The following BABAM2 variants were observed in gnomAD, a reference collection of about 807,000 sequenced individuals.
BABAM2 encodes the protein BRISC and BRCA1-A complex member 2.
In BABAM2, 31 loss-of-function variants were observed where a neutral mutation model predicts 54.7. The observed-to-expected ratio is 0.57, with a 90% CI of 0.43 to 0.77. The LOEUF is 0.77. BABAM2 is among the 30% of genes least tolerant of loss of function. BABAM2 has a pLI of 0.00. For missense variants in BABAM2, 364 were observed against 455.8 expected, an observed-to-expected ratio of 0.80 and a Z score of 1.83; for synonymous variants, 167 against 162.9, an observed-to-expected ratio of 1.03 and a Z score of -0.19.
intron 5 of BABAM2, among the ~76,000 whole-genome samples, chr2:28,040,356 A>G (rs1220238368): frequency 2.6e-5 from 3 of 116,828 alleles, no homozygotes; most frequent in Non-Finnish European, 4.9e-5. Context: ...GCTGGAGTGC[A>G]GTGGCGGGAT....
intron 7 of BABAM2, among the ~76,000 whole-genome samples, chr2:28,171,564 C>G (rs1414777449): frequency 1.3e-5 from 2 of 152,130 alleles, no homozygotes; most frequent in Non-Finnish European, 2.9e-5. Flanking sequence ...GTAATAAAGG[C>G]ATTTTTTAAG....
intron 6 of BABAM2, among the ~76,000 whole-genome samples, chr2:28,115,850 C>G (rs540211793): frequency 3.1e-4 from 47 of 151,800 alleles, no homozygotes; most frequent in African/African-American, 1.1e-3. Context: ...CATGGTGGCT[C>G]ATGCCTGTAA....
intron 7 of BABAM2, among the ~76,000 whole-genome samples, chr2:28,216,464 G>A (rs1208079411): frequency 1.3e-5 from 2 of 152,214 alleles, no homozygotes; most frequent in Non-Finnish European, 2.9e-5. Flanking sequence ...TGTAATTGCA[G>A]TATTTAGTTC....
At chr2:28,016,378 A>G in intron 4 of BABAM2, 1 of 1,377,410 alleles carries the variant, frequency 7.3e-7, no homozygotes, top group Non-Finnish European at 1.0e-6. Context: ...GCCTTGATCG[A>G]TTCAGATAAT....
chr2:27,946,324 A>T (rs753154658), intron 3 of BABAM2, among the ~76,000 whole-genome samples: 4 of 152,162 alleles, frequency 2.6e-5, no homozygotes, highest in Non-Finnish European at 5.9e-5. Context: ...ATGTTGAACC[A>T]CTGTTGCATT....
chr2:28,298,720 A>G (rs1173420127), intron 11 of BABAM2, among the ~76,000 whole-genome samples: 1 of 152,246 alleles, frequency 6.6e-6, no homozygotes, highest in Admixed American at 6.5e-5. Flanking sequence ...CTAGAAAACA[A>G]AAAATATTTA....
chr2:28,333,032 G>A (rs749903389), intron 11 of BABAM2, among the ~76,000 whole-genome samples: 4 of 152,016 alleles, frequency 2.6e-5, no homozygotes, highest in East Asian at 3.9e-4. Flanking sequence ...TTCCCGCTTC[G>A]GCACACACGC....
At chr2:28,228,315 A>AAGGCAG (rs1289777176) in intron 7 of BABAM2, among the ~76,000 whole-genome samples, 1 of 152,236 alleles carries the variant, frequency 6.6e-6, no homozygotes, top group East Asian at 1.9e-4. Flanking sequence ...GTGTCCTGGA[A>AAGGCAG]AGGCAGAAGG....
intron 6 of BABAM2, among the ~76,000 whole-genome samples, chr2:28,076,484 A>G (rs1164458177): frequency 1.4e-5 from 2 of 138,996 alleles, no homozygotes; most frequent in Non-Finnish European, 3.0e-5. Flanking sequence ...TTATTTATTT[A>G]GTTAGTTAGT....
chr2:27,999,734 G>A (rs926726060), intron 4 of BABAM2, among the ~76,000 whole-genome samples: 1 of 152,174 alleles, frequency 6.6e-6, no homozygotes, highest in East Asian at 1.9e-4. Flanking sequence ...TTGCTGTTAA[G>A]CACGCTTCCT....
intron 3 of BABAM2, among the ~76,000 whole-genome samples, chr2:27,956,673 A>G (rs1353841572): frequency 6.6e-6 from 1 of 152,204 alleles, no homozygotes; most frequent in Non-Finnish European, 1.5e-5. Flanking sequence ...AAAGATTTGA[A>G]AAGCAGCAGC....
At chr2:27,937,886 A>G (rs1383738279) in intron 3 of BABAM2, among the ~76,000 whole-genome samples, 6 of 152,126 alleles carry the variant, frequency 3.9e-5, no homozygotes, top group East Asian at 1.9e-4. Flanking sequence ...ACTGAGACCA[A>G]TTGTGACGAG....
chr2:28,091,755 G>A (rs760393784), intron 6 of BABAM2, among the ~76,000 whole-genome samples: 5 of 152,168 alleles, frequency 3.3e-5, no homozygotes, highest in African/African-American at 4.8e-5. Flanking sequence ...AAAGTGAAAT[G>A]TGGCTTAGTT....
Position 28,080,090 on chromosome 2 carries a change from A to G in BABAM2, c.570+34291A>G, listed in dbSNP as rs145668743. Among the ~76,000 whole-genome samples, 400 of 152,244 alleles carry G rather than the reference A, an allele frequency of 2.6e-3. 4 individuals are homozygous for G. Among genetic ancestry groups the G allele is most frequent in the African/African-American group, 9.3e-3 (387 of 41,556 alleles). ...CCCTTCAGCCACTCCTTCTATACAAAGAATAATATTTGTACATTCAGATTT... is the reference window on the plus strand; with the variant it reads ...CCCTTCAGCCACTCCTTCTATACAAGGAATAATATTTGTACATTCAGATTT... On this transcript the variant is annotated intron_variant, in intron 6 of 11. Transcript: ENST00000379624.
intron 11 of BABAM2, among the ~76,000 whole-genome samples, chr2:28,319,980 G>A (rs984648070): frequency 1.3e-5 from 2 of 152,086 alleles, no homozygotes; most frequent in African/African-American, 4.8e-5. Flanking sequence ...ACCCACCCTC[G>A]GCAGGGAGTG....
At chr2:28,005,210 A>G (rs962124950) in intron 4 of BABAM2, among the ~76,000 whole-genome samples, 2 of 152,190 alleles carry the variant, frequency 1.3e-5, no homozygotes, top group African/African-American at 4.8e-5. Flanking sequence ...TTATGTATGT[A>G]TCTTGTCTAG....
intron 3 of BABAM2, among the ~76,000 whole-genome samples, chr2:27,947,320 T>C (rs1408783040): frequency 6.6e-6 from 1 of 152,142 alleles, no homozygotes; most frequent in East Asian, 1.9e-4. Context: ...TTGATTTTTT[T>C]CCCCCATGGC....
intron 11 of BABAM2, among the ~76,000 whole-genome samples, chr2:28,319,485 C>T (rs1399618116): frequency 6.6e-6 from 1 of 152,242 alleles, no homozygotes; most frequent in Non-Finnish European, 1.5e-5. Flanking sequence ...GCCTCTTGTA[C>T]CTGGCATGTT....
intron 5 of BABAM2, among the ~76,000 whole-genome samples, chr2:28,044,432 T>C (rs1007417311): frequency 7.9e-5 from 12 of 152,146 alleles, no homozygotes; most frequent in African/African-American, 2.7e-4. Context: ...GGTTTTACCA[T>C]GTTGGCCAGG....
Sources: gnomAD v4.1 joint callset for allele counts (sites outside exome capture counted in the v4.1 genomes callset) on GRCh38, gnomAD v4.1.1 for gene constraint, MANE v1.5 for transcripts, NCBI Gene and HGNC (gene_info 2026-07-23, HGNC 2026-07-21) for gene names.